FBXW7: variants seen among roughly 807,000 people sequenced by gnomAD.
The protein encoded by FBXW7 is F-box and WD repeat domain containing 7, also known as F-box/WD repeat-containing protein 7.
Under a neutral mutation model 86.3 loss-of-function variants are expected in FBXW7, and 11 were observed. That is an observed-to-expected ratio of 0.13 (90% CI 0.08 to 0.21). FBXW7 has a LOEUF of 0.21. Among genes scored for constraint, FBXW7 ranks in the 10% least tolerant of loss-of-function variants. FBXW7 has a pLI of 1.00. For synonymous variants in FBXW7, 313 were observed against 297.9 expected (o/e 1.05, Z -0.52); for missense variants, 488 against 847.4 (o/e 0.58, Z 5.27).
intron 2 of FBXW7, among the ~76,000 whole-genome samples, chr4:152,480,791 C>T (rs1744815145): frequency 6.6e-6 from 1 of 152,194 alleles, no homozygotes; most frequent in South Asian, 2.1e-4. Flanking sequence ...GCAAAGTCCT[C>T]TCTTCAATTC....
chr4:152,326,304 A>G lies in FBXW7; in HGVS notation c.1419-73T>C, dbSNP rs1238439577. ...TTTAGAATTTTTAATAATATGAGAA[A>G]ACATGGTAGATTTAGTCAAGGTTTT... On this transcript the variant is annotated intron_variant, in intron 11 of 13. Coordinates refer to ENST00000281708, the MANE Select transcript of FBXW7 (RefSeq NM_001349798.2). 5 of 1,231,726 alleles carry G rather than the reference A, an allele frequency of 4.1e-6. No homozygotes were observed. The East Asian group carries it at 9.6e-5, about 24-fold the overall frequency. The allele number at this position is 1,231,726 out of a possible 1,614,324, so 76.3% of individuals were successfully genotyped here. A position where few individuals can be genotyped will look rare whatever the true frequency, so the allele number is the denominator to read the frequency against.
intron 2 of FBXW7, among the ~76,000 whole-genome samples, chr4:152,483,846 T>C (rs1050413277): frequency 6.6e-6 from 1 of 152,196 alleles, no homozygotes; most frequent in Non-Finnish European, 1.5e-5. Context: ...TTTTAATTAC[T>C]ACACCACTAC....
intron 2 of FBXW7, among the ~76,000 whole-genome samples, chr4:152,435,777 A>G (rs1206007777): frequency 6.6e-6 from 1 of 152,202 alleles, no homozygotes; most frequent in Non-Finnish European, 1.5e-5. Flanking sequence ...TCCTATGTTG[A>G]GCAAGTCTAT....
At chr4:152,510,367 T>TGTG (rs1747846370) in intron 2 of FBXW7, among the ~76,000 whole-genome samples, 1 of 152,230 alleles carries the variant, frequency 6.6e-6, no homozygotes, top group Non-Finnish European at 1.5e-5. Flanking sequence ...ACTGTCAAAC[T>TGTG]GCTCTCCAAA....
At position 152,448,752 on chromosome 4, in the gene FBXW7, C is replaced by T. The variant is rs376289591; in HGVS notation, c.-119-36223G>A. Among the ~76,000 whole-genome samples the T allele has an allele frequency of 9.2e-4, 140 of 152,262 alleles. No individual in the cohort carries two copies. The East Asian group carries it at 0.013, about 14-fold the overall frequency. The stretch of plus-strand genomic sequence containing the variant: ...ACAGCTTTGCTACAGAAGATGCCAG[C>T]CACAAACTCATCGCCAAGAAAAACT... On this transcript the variant is annotated intron_variant, in intron 2 of 13. Coordinates refer to ENST00000281708, the MANE Select transcript of FBXW7 (RefSeq NM_001349798.2).
At chr4:152,415,656 G>C (rs1489344919) in intron 2 of FBXW7, among the ~76,000 whole-genome samples, 1 of 152,052 alleles carries the variant, frequency 6.6e-6, no homozygotes, top group Non-Finnish European at 1.5e-5. Flanking sequence ...ATTTCACTCA[G>C]AGTAAAAGCC....
chr4:152,397,740 C>T (rs1399610474), intron 4 of FBXW7, among the ~76,000 whole-genome samples: 1 of 131,366 alleles, frequency 7.6e-6, no homozygotes, highest in East Asian at 2.3e-4. Context: ...AAGATTAAAT[C>T]AGTTGTTTAA....
intron 2 of FBXW7, among the ~76,000 whole-genome samples, chr4:152,501,972 G>A (rs1298547513): frequency 6.6e-6 from 1 of 152,138 alleles, no homozygotes; most frequent in Non-Finnish European, 1.5e-5. Context: ...GAAAATGCAA[G>A]TAGTTCTAAG....
intron 2 of FBXW7, among the ~76,000 whole-genome samples, chr4:152,430,899 G>A (rs919423299): frequency 1.3e-5 from 2 of 151,666 alleles, no homozygotes; most frequent in African/African-American, 2.4e-5. Flanking sequence ...ATATACCTTT[G>A]GTCAGTATTG....
chr4:152,528,984 G>A (rs1437388254), intron 2 of FBXW7, among the ~76,000 whole-genome samples: 1 of 151,950 alleles, frequency 6.6e-6, no homozygotes, highest in African/African-American at 2.4e-5. Context: ...TATACTTAAT[G>A]GGGGAAAGTC....
At chr4:152,360,854 A>AT (rs1560804115) in intron 4 of FBXW7, among the ~76,000 whole-genome samples, 1 of 147,564 alleles carries the variant, frequency 6.8e-6, no homozygotes. Flanking sequence ...TATATATATA[A>AT]AATATAGTAA....
intron 2 of FBXW7, among the ~76,000 whole-genome samples, chr4:152,432,244 T>A (rs2126952975): frequency 6.6e-6 from 1 of 152,114 alleles, no homozygotes; most frequent in Middle Eastern, 3.4e-3. Context: ...TGGAAAAAAA[T>A]CAGTATTCTA....
At chr4:152,348,650 A>C in intron 5 of FBXW7, 1 of 884,364 alleles carries the variant, frequency 1.1e-6, no homozygotes, top group Non-Finnish European at 1.5e-6. Context: ...AAGCTGCCTT[A>C]AAAACAAGTG....
At chr4:152,414,502 C>T (rs556054605) in intron 2 of FBXW7, among the ~76,000 whole-genome samples, 12 of 152,164 alleles carry the variant, frequency 7.9e-5, no homozygotes, top group African/African-American at 2.9e-4. Flanking sequence ...AAGTATCATT[C>T]GTGGCTGTGA....
chr4:152,527,865 T>TATACACACACACAC (rs1554003395), intron 2 of FBXW7, among the ~76,000 whole-genome samples: 1 of 137,396 alleles, frequency 7.3e-6, no homozygotes, highest in African/African-American at 3.1e-5. Flanking sequence ...AAAAATTATA[T>TATACACACACACAC]ACACACACAC....
intron 2 of FBXW7, among the ~76,000 whole-genome samples, chr4:152,531,909 GAAT>G (rs1750055688): frequency 6.6e-6 from 1 of 150,968 alleles, no homozygotes; most frequent in Non-Finnish European, 1.5e-5. Context: ...CAAAAATACA[GAAT>G]AATATACCCT....
intron 2 of FBXW7, among the ~76,000 whole-genome samples, chr4:152,413,631 T>C (rs1239940455): frequency 6.6e-6 from 1 of 152,136 alleles, no homozygotes; most frequent in Non-Finnish European, 1.5e-5. Context: ...ACACTGATAC[T>C]GCCTTCTTTT....
intron 4 of FBXW7, among the ~76,000 whole-genome samples, chr4:152,364,556 A>T (rs1733283376): frequency 6.6e-6 from 1 of 152,162 alleles, no homozygotes; most frequent in Non-Finnish European, 1.5e-5. Context: ...TTCATTGAAA[A>T]TTTTTTTAGT....
intron 2 of FBXW7, among the ~76,000 whole-genome samples, chr4:152,495,202 A>G (rs1411021691): frequency 6.6e-6 from 1 of 152,080 alleles, no homozygotes; most frequent in Non-Finnish European, 1.5e-5. Flanking sequence ...GGAGGCCAAG[A>G]CAGGCAGATC....
Sources: gnomAD v4.1 joint callset for allele counts (sites outside exome capture counted in the v4.1 genomes callset) on GRCh38, gnomAD v4.1.1 for gene constraint, MANE v1.5 for transcripts, NCBI Gene and HGNC (gene_info 2026-07-23, HGNC 2026-07-21) for gene names.